CNTNAP2: variants seen among roughly 807,000 people sequenced by gnomAD.
CNTNAP2 encodes the protein contactin-associated protein-like 2.
CNTNAP2 carries 98 observed loss-of-function variants against 155.2 expected under a neutral mutation model. The ratio of observed to expected loss-of-function variants is 0.63; its 90% confidence interval spans 0.54 to 0.75. CNTNAP2 has a LOEUF of 0.75. Ranked by LOEUF, CNTNAP2 falls within the 30% of genes least tolerant of loss-of-function variation. The probability of loss-of-function intolerance (pLI) is 0.00; values close to 1 mark genes in which losing one functional copy is unlikely to be tolerated. For synonymous variants in CNTNAP2, 651 were observed against 631.2 expected, an observed-to-expected ratio of 1.03 and a Z score of -0.47; for missense variants, 1,727 against 1,688.1, an observed-to-expected ratio of 1.02 and a Z score of -0.40.
At chr7:147,000,948 G>C (rs1039767415) in intron 3 of CNTNAP2, among the ~76,000 whole-genome samples, 4 of 152,066 alleles carry the variant, frequency 2.6e-5, no homozygotes, top group African/African-American at 9.7e-5. Flanking sequence ...AAAGGATCAG[G>C]CTACAGATAC....
chr7:146,399,754 TA>T (rs1368951059), intron 1 of CNTNAP2, among the ~76,000 whole-genome samples: 1 of 152,164 alleles, frequency 6.6e-6, no homozygotes, highest in African/African-American at 2.4e-5. Context: ...TTGTTTACTG[TA>T]AAGGCTGTAG....
intron 8 of CNTNAP2, among the ~76,000 whole-genome samples, chr7:147,143,191 GC>G (rs1403489405): frequency 1.3e-5 from 2 of 151,766 alleles, no homozygotes; most frequent in Non-Finnish European, 2.9e-5. Context: ...TCTTCTCTCT[GC>G]CTCCTGCCTC....
intron 1 of CNTNAP2, among the ~76,000 whole-genome samples, chr7:146,272,054 T>C (rs745651724): frequency 1.2e-4 from 18 of 152,156 alleles, no homozygotes; most frequent in Non-Finnish European, 1.8e-4. Flanking sequence ...TAGTCCATTT[T>C]TACACTGCTA....
chr7:146,287,013 A>G (rs939118834), intron 1 of CNTNAP2, among the ~76,000 whole-genome samples: 4 of 152,226 alleles, frequency 2.6e-5, no homozygotes, highest in African/African-American at 9.6e-5. Context: ...TGGAGCAAAC[A>G]GAACAACCTC....
At chr7:147,548,118 C>A (rs1189093923) in intron 11 of CNTNAP2, among the ~76,000 whole-genome samples, 1 of 152,160 alleles carries the variant, frequency 6.6e-6, no homozygotes, top group Admixed American at 6.5e-5. Flanking sequence ...TGGGTATGTA[C>A]CCAGTAATGG....
At chr7:146,538,745 C>A (rs781050793) in intron 1 of CNTNAP2, among the ~76,000 whole-genome samples, 1 of 151,578 alleles carries the variant, frequency 6.6e-6, no homozygotes, top group South Asian at 2.1e-4. Flanking sequence ...CACTGTCCAC[C>A]GAGATGGGAA....
At chr7:148,010,638 A>G (rs1802062516) in intron 15 of CNTNAP2, among the ~76,000 whole-genome samples, 2 of 148,980 alleles carry the variant, frequency 1.3e-5, no homozygotes, top group Admixed American at 6.8e-5. Flanking sequence ...TGAACTGTAA[A>G]GCCACCTCTG....
At chr7:146,662,376 A>G (rs1465538997) in intron 1 of CNTNAP2, among the ~76,000 whole-genome samples, 1 of 152,052 alleles carries the variant, frequency 6.6e-6, no homozygotes, top group Non-Finnish European at 1.5e-5. Context: ...ACCTCAGTTG[A>G]TCCGCCCACC....
chr7:146,721,374 T>C lies in CNTNAP2; in HGVS notation c.98-52897T>C, dbSNP rs530987582. Among the ~76,000 whole-genome samples the C allele has an allele frequency of 1.7e-3, 182 of 105,174 alleles. 3 individuals carry two copies. The highest frequency in any genetic ancestry group is 7.9e-3 in the African/African-American group (170 of 21,502). 69.0% of individuals were successfully genotyped at this position (105,174 alleles called of 152,430 possible). On this transcript the variant is annotated intron_variant, in intron 1 of 23. Coordinates refer to ENST00000361727, the MANE Select transcript of CNTNAP2 (RefSeq NM_014141.6). The stretch of plus-strand genomic sequence containing the variant: ...ATACATTCTATATACATTCTATATA[T>C]ACATTCTATATACATTCTATATACA...
chr7:148,181,993 G>A (rs1237004650), intron 18 of CNTNAP2, among the ~76,000 whole-genome samples: 1 of 151,392 alleles, frequency 6.6e-6, no homozygotes, highest in Non-Finnish European at 1.5e-5. Flanking sequence ...TCCTGACCTC[G>A]TGATCCGCCC....
chr7:147,129,750 C>A (rs2129284615), intron 7 of CNTNAP2, among the ~76,000 whole-genome samples: 1 of 152,094 alleles, frequency 6.6e-6, no homozygotes, highest in Non-Finnish European at 1.5e-5. Flanking sequence ...AATGATTTGA[C>A]AAATGGAAAT....
At chr7:146,786,247 T>C (rs1802571974) in intron 2 of CNTNAP2, among the ~76,000 whole-genome samples, 1 of 127,480 alleles carries the variant, frequency 7.8e-6, no homozygotes, top group Admixed American at 7.1e-5. Context: ...CCCTTTTTCT[T>C]TATTTTACTT....
At chr7:147,272,598 A>C (rs1005620996) in intron 8 of CNTNAP2, among the ~76,000 whole-genome samples, 2 of 151,524 alleles carry the variant, frequency 1.3e-5, no homozygotes, top group African/African-American at 2.4e-5. Context: ...TCCCGGGTTC[A>C]CGCCATTCTC....
chr7:146,316,680 G>A (rs188304893), intron 1 of CNTNAP2, among the ~76,000 whole-genome samples: 34 of 152,208 alleles, frequency 2.2e-4, no homozygotes, highest in Admixed American at 1.1e-3. Context: ...ATACGTTTAC[G>A]CAAAGGATAA....
chr7:146,810,610 A>G (rs58702770), intron 2 of CNTNAP2, among the ~76,000 whole-genome samples: 28,145 of 151,856 alleles, frequency 0.19, 8,252 homozygotes, highest in African/African-American at 0.62. Flanking sequence ...TTTTCCAATT[A>G]GGATGCTTTC....
intron 2 of CNTNAP2, among the ~76,000 whole-genome samples, chr7:146,812,115 C>T (rs1291545973): frequency 6.6e-6 from 1 of 152,120 alleles, no homozygotes; most frequent in East Asian, 1.9e-4. Context: ...GACTTTGGAA[C>T]TGGGTAACAG....
chr7:147,405,477 C>G (rs1284535954), intron 10 of CNTNAP2, among the ~76,000 whole-genome samples: 1 of 152,114 alleles, frequency 6.6e-6, no homozygotes, highest in East Asian at 1.9e-4. Flanking sequence ...GGGACTGATA[C>G]AACTTAATGA....
chr7:146,989,051 T>C (rs996165632), intron 3 of CNTNAP2, among the ~76,000 whole-genome samples: 1 of 152,164 alleles, frequency 6.6e-6, no homozygotes, highest in Non-Finnish European at 1.5e-5. Context: ...GATGTTTGCT[T>C]TATATCACAA....
chr7:147,113,685 G>C (rs1461829486), intron 5 of CNTNAP2, among the ~76,000 whole-genome samples: 2 of 152,152 alleles, frequency 1.3e-5, no homozygotes, highest in Non-Finnish European at 2.9e-5. Context: ...CCCAACACAT[G>C]GGGATTATAA....
Sources: gnomAD v4.1 joint callset for allele counts (sites outside exome capture counted in the v4.1 genomes callset) on GRCh38, gnomAD v4.1.1 for gene constraint, MANE v1.5 for transcripts, NCBI Gene and HGNC (gene_info 2026-07-23, HGNC 2026-07-21) for gene names.